The following NBAS variants were observed in gnomAD, a reference collection of about 807,000 sequenced individuals.
The protein encoded by NBAS is NBAS subunit of NRZ tethering complex.
In NBAS, 219 loss-of-function variants were observed where a neutral mutation model predicts 302.5. The observed-to-expected ratio is 0.72, with a 90% CI of 0.65 to 0.81. The LOEUF (loss-of-function observed/expected upper bound fraction) is 0.81. Among genes scored for constraint, NBAS ranks in the 30% least tolerant of loss-of-function variants. The pLI is 0.00. For synonymous variants in NBAS, 1,118 were observed against 1,021.6 expected (o/e 1.09, Z -1.80); for missense variants, 2,932 against 2,841.6 (o/e 1.03, Z -0.72).
At chr2:15,113,962 G>A in the NBAS span, among the ~76,000 whole-genome samples, 1 of 152,094 alleles carries the variant, frequency 6.6e-6, no homozygotes. Context: ...GTGCCTCTTG[G>A]TGAAAGAACA....
At chr2:15,032,339 G>GTC in the NBAS span, among the ~76,000 whole-genome samples, 1 of 152,192 alleles carries the variant, frequency 6.6e-6, no homozygotes, top group Non-Finnish European at 1.5e-5. Flanking sequence ...TTCTGATGAG[G>GTC]TCTCCAGTGG....
At chr2:15,389,965 A>G (rs1233568457) in intron 28 of NBAS, among the ~76,000 whole-genome samples, 1 of 152,252 alleles carries the variant, frequency 6.6e-6, no homozygotes, top group Non-Finnish European at 1.5e-5. Flanking sequence ...CTGAAATTCC[A>G]GAGAAACCAA....
chr2:15,559,829 T>A (rs1664828838), intron 1 of NBAS, among the ~76,000 whole-genome samples: 1 of 152,240 alleles, frequency 6.6e-6, no homozygotes, highest in African/African-American at 2.4e-5. Context: ...TCTGAAACAT[T>A]ACTGCAATTA....
At chr2:15,521,541 T>A (rs1404840215) in intron 9 of NBAS, among the ~76,000 whole-genome samples, 1 of 152,210 alleles carries the variant, frequency 6.6e-6, no homozygotes, top group East Asian at 1.9e-4. Context: ...TCTGCCTTCA[T>A]GGAACTTACA....
At chr2:15,489,820 C>T (rs1680781032) in intron 11 of NBAS, among the ~76,000 whole-genome samples, 1 of 152,196 alleles carries the variant, frequency 6.6e-6, no homozygotes, top group Non-Finnish European at 1.5e-5. Flanking sequence ...ACCTACGATA[C>T]ACTCAGAAGA....
intron 41 of NBAS, among the ~76,000 whole-genome samples, chr2:15,289,633 G>A (rs1202701009): frequency 6.6e-6 from 1 of 152,154 alleles, no homozygotes; most frequent in Non-Finnish European, 1.5e-5. Flanking sequence ...TGACCCCTGA[G>A]AATGTATTCC....
At chr2:14,803,103 G>A in the NBAS span, among the ~76,000 whole-genome samples, 4 of 152,138 alleles carry the variant, frequency 2.6e-5, no homozygotes, top group Admixed American at 2.0e-4. Flanking sequence ...TTTAAACTTT[G>A]TTAATCAGGA....
chr2:15,299,613 G>A (rs1423742718), intron 40 of NBAS, among the ~76,000 whole-genome samples: 4 of 152,142 alleles, frequency 2.6e-5, no homozygotes, highest in East Asian at 1.9e-4. Flanking sequence ...GTCATCCCCC[G>A]CTGAGTTTGC....
At chr2:14,893,688 C>T in the NBAS span, among the ~76,000 whole-genome samples, 5,795 of 152,254 alleles carry the variant, frequency 0.038, 141 homozygotes, top group Non-Finnish European at 0.051. Context: ...GGAAGGCAGC[C>T]GTGGGAAATC....
intron 36 of NBAS, among the ~76,000 whole-genome samples, chr2:15,330,365 T>G (rs1672268936): frequency 6.6e-6 from 1 of 152,202 alleles, no homozygotes; most frequent in Non-Finnish European, 1.5e-5. Flanking sequence ...TTCTGATATA[T>G]AAACCGAGCC....
the NBAS span, among the ~76,000 whole-genome samples, chr2:14,894,910 T>C: frequency 6.6e-6 from 1 of 151,774 alleles, no homozygotes; most frequent in Non-Finnish European, 1.5e-5. Flanking sequence ...ATACAAAAAT[T>C]AGTTGGGCGT....
the NBAS span, among the ~76,000 whole-genome samples, chr2:15,155,512 C>T: frequency 6.6e-6 from 1 of 152,290 alleles, no homozygotes; most frequent in Non-Finnish European, 1.5e-5. Flanking sequence ...GCTGAAGACA[C>T]CTCTCTTCCC....
chr2:14,915,616 A>G, the NBAS span, among the ~76,000 whole-genome samples: 2 of 151,998 alleles, frequency 1.3e-5, no homozygotes, highest in African/African-American at 4.8e-5. Flanking sequence ...AGGCTGGAGT[A>G]CAGTGGCGTA....
the NBAS span, among the ~76,000 whole-genome samples, chr2:14,786,258 C>T: frequency 6.6e-6 from 1 of 151,672 alleles, no homozygotes; most frequent in African/African-American, 2.4e-5. Flanking sequence ...TTTGTTGATC[C>T]TTTCAAAAAA....
At chr2:15,329,898 C>A (rs1672244856) in intron 36 of NBAS, among the ~76,000 whole-genome samples, 1 of 152,194 alleles carries the variant, frequency 6.6e-6, no homozygotes, top group Non-Finnish European at 1.5e-5. Flanking sequence ...TTATTACCTG[C>A]CATTACATTA....
At chr2:14,997,453 GTTT>G in the NBAS span, among the ~76,000 whole-genome samples, 2 of 141,992 alleles carry the variant, frequency 1.4e-5, no homozygotes, top group African/African-American at 2.6e-5. Context: ...CCCTGTGCTT[GTTT>G]TTTTTTTTTT....
chr2:14,831,689 G>A, the NBAS span, among the ~76,000 whole-genome samples: 42 of 152,252 alleles, frequency 2.8e-4, no homozygotes, highest in African/African-American at 6.3e-4. Flanking sequence ...AGCTGCTTTC[G>A]ATGAAGCCCT....
At chr2:15,197,123 T>G (rs192704576) in intron 48 of NBAS, among the ~76,000 whole-genome samples, 292 of 152,272 alleles carry the variant, frequency 1.9e-3, no homozygotes, top group African/African-American at 6.8e-3. Flanking sequence ...AAACTAAGTT[T>G]GAATTGTAGT....
the NBAS span, among the ~76,000 whole-genome samples, chr2:14,963,355 T>C: frequency 1.3e-5 from 2 of 152,224 alleles, no homozygotes; most frequent in Non-Finnish European, 2.9e-5. Flanking sequence ...CTAGCTGTAT[T>C]CATGCTGTAA....
Sources: allele counts gnomAD v4.1 joint callset (sites outside exome capture counted in the v4.1 genomes callset), GRCh38; gene constraint gnomAD v4.1.1; transcripts MANE v1.5; gene names NCBI Gene and HGNC (gene_info 2026-07-23, HGNC 2026-07-21).